Variants in MEGF8 observed in about 807,000 individuals in gnomAD.
MEGF8 encodes multiple EGF like domains 8.
MEGF8 carries 156 observed loss-of-function variants against 302.9 expected under a neutral mutation model. The observed-to-expected ratio is 0.52, with a 90% CI of 0.45 to 0.59. MEGF8 has a LOEUF of 0.59. Among genes scored for constraint, MEGF8 ranks in the 20% least tolerant of loss-of-function variants. The probability of loss-of-function intolerance (pLI) is 0.00; values close to 1 mark genes in which losing one functional copy is unlikely to be tolerated. For missense variants in MEGF8, 3,345 were observed against 3,964.5 expected (o/e 0.84, Z 4.20); for synonymous variants, 1,621 against 1,660.5 (o/e 0.98, Z 0.58).
Position 42,356,963 on chromosome 19 carries a change from G to A in MEGF8, c.4812G>A (p.Leu1604=), listed in dbSNP as rs1367616988. The change falls in exon 27 of 42, where the codon CTG becomes CTA. Residue 1604 remains leucine (L), a synonymous_variant. Coordinates refer to ENST00000251268, the MANE Select transcript of MEGF8 (RefSeq NM_001271938.2). The surrounding 1 kb of genome is among the most constrained non-coding windows in gnomAD (Gnocchi z 5.2). ...TCTGGGTCCTCAACCTCACCACCCT[G>A]CAATGGCGGCAGGAGAAGGTGAGCA... ...RDFWVLNLTT[L]QWRQEKAPQT... is the part of the protein sequence containing the mutation. 4 of 1,604,284 alleles carry A rather than the reference G, an allele frequency of 2.5e-6. No homozygotes were observed. Among genetic ancestry groups the A allele is most frequent in the African/African-American group, 1.3e-5 (1 of 74,762 alleles).
rs748110110 is a variant in MEGF8, at chr19:42,362,395, C to G, written c.5856C>G (p.Pro1952=). ...LQPGDGEAST[P]RCKWCTNCPE... The stretch of plus-strand genomic sequence containing the variant: ...TCTTCCCTCACCAGGCGTCCACCCC[C>G]CGCTGTAAGTGGTGTACCAACTGCC... The change falls in exon 34 of 42, where the codon CCC becomes CCG. Residue 1952 remains proline (P), a synonymous_variant. Coordinates refer to ENST00000251268, the MANE Select transcript of MEGF8 (RefSeq NM_001271938.2). The G allele has an allele frequency of 1.2e-6, 2 of 1,613,926 alleles. No homozygotes were observed. Among genetic ancestry groups the G allele is most frequent in the Admixed American group, 3.3e-5 (2 of 60,026 alleles).
Position 42,343,575 on chromosome 19 carries a change from G to A in MEGF8, c.1612G>A (p.Gly538Arg), listed in dbSNP as rs1261629394. The change falls in exon 9 of 42, where the codon GGG becomes AGG. Residue 538 changes from glycine (G) to arginine (R), a missense_variant. By Grantham distance (125) the Gly-to-Arg change is moderately radical. Transcript: ENST00000251268. ...VAGGYSGRPR[G>R]DLMAYKVPPF... Reference sequence around the variant, plus strand: ...TGGGGGGTACAGCGGCCGGCCCCGTGGGGACTTGATGGCGTACAAGGTGCC... The same window carrying A: ...TGGGGGGTACAGCGGCCGGCCCCGTAGGGACTTGATGGCGTACAAGGTGCC... 6.2e-7 allele frequency: 1 copy of A among 1,613,168 alleles called. No individual in the cohort carries two copies. The highest frequency in any genetic ancestry group is 2.2e-5 in the East Asian group (1 of 44,870).
rs754017719 is a variant in MEGF8, at chr19:42,368,544, T to C, written c.6363T>C (p.Cys2121=). 7 of 1,603,148 alleles carry C rather than the reference T, an allele frequency of 4.4e-6. No individual in the cohort carries two copies. The South Asian group carries it at 7.9e-5, about 18-fold the overall frequency. The change falls in exon 36 of 42, where the codon TGT becomes TGC. Residue 2121 remains cysteine, a synonymous_variant. Transcript: ENST00000251268. The surrounding 1 kb of genome is among the most constrained non-coding windows in gnomAD (Gnocchi z 4.9). ...GACCTGAGAGCTGCTCCCTGGGCTG[T>C]GCTCAGGCAACTCAGTGCGCCTTGT... ...LRGPESCSLG[C]AQATQCALCL...
rs1443383922 is a variant in MEGF8, at chr19:42,354,004, G to A, written c.3991G>A (p.Asp1331Asn). The change falls in exon 22 of 42, where the codon GAC (aspartate) becomes AAC (asparagine). Residue 1331 changes from aspartate to asparagine, a missense_variant. Coordinates refer to ENST00000251268, the MANE Select transcript of MEGF8 (RefSeq NM_001271938.2). This position sits in a 1 kb window ranked among gnomAD's most constrained non-coding sequence, Gnocchi z 4.3. ...CCCACTCACCCTCACCTTCTCCCCC[G>A]ACAGCAGCACCCCCTGCACGGTGAG... ...CPPLTLTFSP[D>N]SSTPCTLSYV... 5.7e-6 allele frequency: 9 copies of A among 1,586,208 alleles called. No homozygotes were observed. Among genetic ancestry groups the A allele is most frequent in the East Asian group, 2.3e-5 (1 of 43,104 alleles).
rs562426921 is a variant in MEGF8 at position 42,343,626 on chromosome 19, C to G, written c.1663C>G (p.Pro555Ala). 1.2e-6 allele frequency: 2 copies of G among 1,604,954 alleles called. No homozygotes were observed. The highest frequency in any genetic ancestry group is 2.7e-5 in the African/African-American group (2 of 74,854). The change falls in exon 9 of 42, where the codon CCT (proline) becomes GCT (alanine). Residue 555 changes from proline (P) to alanine (A), a missense_variant. By Grantham distance (27) the Pro-to-Ala change is conservative. Coordinates refer to ENST00000251268, the MANE Select transcript of MEGF8 (RefSeq NM_001271938.2). ...CCCCTTTGTGTTCCAGGCACCTGCCCCTGACGTGAGCACTGGGGTGACAGG... is the reference window on the plus strand; with the variant it reads ...CCCCTTTGTGTTCCAGGCACCTGCCGCTGACGTGAGCACTGGGGTGACAGG... ...VPPFVFQAPA[P>A]DYHLDYCSMY...
chr19:42,355,243 T>C (rs1220731515), intron 23 of MEGF8, among the ~76,000 whole-genome samples: 1 of 151,544 alleles, frequency 6.6e-6, no homozygotes, highest in Non-Finnish European at 1.5e-5. Context: ...AGACATAAGC[T>C]GCTGCGCCCG....
At position 42,360,412 on chromosome 19, in the gene MEGF8, C is replaced by A. The variant is rs191840733; in HGVS notation, c.5489-363C>A. On this transcript the variant is annotated intron_variant, in intron 31 of 41. Transcript: ENST00000251268. The stretch of plus-strand genomic sequence containing the variant: ...CCAGGCTGGAGTGCAGTGGTGCAAT[C>A]TCAGCTCACTGCAACCTCAACCTCC... 6.0e-3 allele frequency among the ~76,000 whole-genome samples: 885 copies of A among 146,496 alleles called. 10 individuals carry two copies. The highest frequency in any genetic ancestry group is 0.021 in the African/African-American group (828 of 39,596).
rs768302132 is a variant in MEGF8, at chr19:42,353,933, C to T, written c.3920C>T (p.Ser1307Leu). ...CTGTCCTACTGTGTGTGGGTTGTCT[C>T]GGCCACTGAGGAGCTACAGCCCTGT... ...PGLSYCVWVV[S>L]ATEELQPCAP... is the part of the protein sequence containing the mutation. The change falls in exon 22 of 42, where the codon TCG (serine) becomes TTG (leucine). Residue 1307 changes from serine to leucine, a missense_variant. Physicochemically the swap from Ser to Leu is moderately radical, Grantham distance 145. Transcript: ENST00000251268. The surrounding 1 kb of genome is among the most constrained non-coding windows in gnomAD (Gnocchi z 6.1). The T allele has an allele frequency of 1.4e-5, 23 of 1,587,272 alleles. No individual in the cohort carries two copies. The highest frequency in any genetic ancestry group is 1.8e-5 in the Non-Finnish European group (21 of 1,167,192).
intron 39 of MEGF8, 112 bp downstream of exon 39, chr19:42,370,471 G>A (rs1241838060): frequency 3.5e-5 from 37 of 1,058,796 alleles, no homozygotes; most frequent in Non-Finnish European, 4.4e-5. Context: ...GGGAGGAGGG[G>A]CTGGAGGCCT....
rs750813302 is a variant in MEGF8, at chr19:42,359,142, C to G, written c.5388C>G (p.Thr1796=). Residue 1796 remains threonine, a synonymous_variant, in exon 31 of 42, where the codon ACC becomes ACG. Coordinates refer to ENST00000251268, the MANE Select transcript of MEGF8 (RefSeq NM_001271938.2). ...LFHASALLGD[T]MVVLGGRSDP... ...ACGCCTCAGCCCTGTTAGGGGACAC[C>G]ATGGTGGTTCTTGGGGGGCGCTCGG... The G allele has an allele frequency of 4.4e-5, 70 of 1,593,360 alleles. No individual in the cohort carries two copies. Among genetic ancestry groups the G allele is most frequent in the Non-Finnish European group, 6.0e-5 (70 of 1,170,596 alleles).
intron 39 of MEGF8, 72 bp downstream of exon 39, chr19:42,370,431 G>A: frequency 1.5e-6 from 2 of 1,343,436 alleles, no homozygotes; most frequent in Non-Finnish European, 2.0e-6. Context: ...TGAGGGAGGA[G>A]GGGGCTGGAG....
intron 8 of MEGF8, among the ~76,000 whole-genome samples, chr19:42,340,303 C>A (rs1383828647): frequency 6.6e-6 from 1 of 152,112 alleles, no homozygotes; most frequent in East Asian, 1.9e-4. Context: ...GATCTTGGCT[C>A]ACTCCAATCT....
chr19:42,334,668 T>C (rs1300659727), intron 3 of MEGF8, among the ~76,000 whole-genome samples: 1 of 152,222 alleles, frequency 6.6e-6, no homozygotes, highest in African/African-American at 2.4e-5. Flanking sequence ...CAGTCCAGGC[T>C]GAATGTCAAC....
At chr19:42,339,883 C>G (rs1296354860) in intron 8 of MEGF8, among the ~76,000 whole-genome samples, 2 of 152,102 alleles carry the variant, frequency 1.3e-5, no homozygotes, top group Non-Finnish European at 2.9e-5. Context: ...ATGGTAAAAC[C>G]CCATCTCTAC....
intron 13 of MEGF8, 139 bp downstream of exon 13, chr19:42,348,611 T>C: frequency 1.2e-6 from 1 of 846,624 alleles, no homozygotes; most frequent in Non-Finnish European, 1.8e-6. Context: ...ATTTTTTGTG[T>C]GTGTGTAAGA....
intron 1 of MEGF8, among the ~76,000 whole-genome samples, chr19:42,332,946 C>G (rs2039074179): frequency 6.6e-6 from 1 of 152,142 alleles, no homozygotes; most frequent in Admixed American, 6.5e-5. Flanking sequence ...GGTTACTTGG[C>G]CAAGATCACA....
Position 42,336,856 on chromosome 19 carries a change from G to T in MEGF8, c.1294G>T (p.Val432Leu), listed in dbSNP as rs544335371. 4 of 1,611,634 alleles carry T rather than the reference G, an allele frequency of 2.5e-6. No individual in the cohort carries two copies. In the Admixed American group the frequency reaches 5.1e-5, roughly 20 times the overall value. ...TGAGCTTTTCCACGTGGATCGGCAT[G>T]TGTGGACGACGCTGAAGGGGCGGGA... ...STELFHVDRH[V>L]WTTLKGRDGL... Residue 432 changes from valine (V) to leucine (L), a missense_variant, in exon 7 of 42, where the codon GTG becomes TTG. Transcript: ENST00000251268. The surrounding 1 kb of genome is among the most constrained non-coding windows in gnomAD (Gnocchi z 4.8).
rs1883302566 is a variant in MEGF8 at position 42,368,571 on chromosome 19, C to T, written c.6390C>T (p.Cys2130=). Residue 2130 remains cysteine (C), a synonymous_variant, in exon 36 of 42, where the codon TGC becomes TGT. Transcript: ENST00000251268. The surrounding 1 kb of genome is among the most constrained non-coding windows in gnomAD (Gnocchi z 4.9). The stretch of plus-strand genomic sequence containing the variant: ...CTCAGGCAACTCAGTGCGCCTTGTG[C>T]CTGCGGCGCCCCCATTGCGGCTGGT... ...GCAQATQCAL[C]LRRPHCGWCA... is the part of the protein sequence containing the mutation. The T allele has an allele frequency of 6.3e-7, 1 of 1,587,390 alleles. No homozygotes were observed. The highest frequency in any genetic ancestry group is 8.6e-7 in the Non-Finnish European group (1 of 1,167,432).
rs369259843 is a variant in MEGF8, at chr19:42,376,043, C to A, written c.7806C>A (p.His2602Gln). The A allele has an allele frequency of 2.9e-5, 47 of 1,603,836 alleles. No individual in the cohort carries two copies. Among genetic ancestry groups the A allele is most frequent in the Non-Finnish European group, 3.9e-5 (46 of 1,177,714 alleles). Residue 2602 changes from histidine to glutamine, a missense_variant, in exon 42 of 42, where the codon CAC becomes CAA. Physicochemically the swap from His to Gln is conservative, Grantham distance 24. Transcript: ENST00000251268. The surrounding 1 kb of genome is among the most constrained non-coding windows in gnomAD (Gnocchi z 8.2). ...VRDRLVITYPHEHHALKSSRF... is the reference protein window; with the variant it reads ...VRDRLVITYPQEHHALKSSRF... ...ACCGGCTGGTCATCACCTACCCACA[C>A]GAGCACCATGCCCTCAAGTCGAGCC... is the stretch of plus-strand genomic sequence containing the variant.
Sources: gnomAD v4.1 joint callset for allele counts (sites outside exome capture counted in the v4.1 genomes callset) on GRCh38, gnomAD v4.1.1 for gene constraint, Gnocchi (gnomAD v3.1) non-coding constraint, MANE v1.5 for transcripts, NCBI Gene and HGNC (gene_info 2026-07-23, HGNC 2026-07-21) for gene names.